The following PTPN21 variants were observed in gnomAD, a reference collection of about 807,000 sequenced individuals.
PTPN21 encodes the protein protein tyrosine phosphatase non-receptor type 21.
Under a neutral mutation model 131.8 loss-of-function variants are expected in PTPN21, and 77 were observed. The ratio of observed to expected loss-of-function variants is 0.58; its 90% CI spans 0.49 to 0.71. PTPN21 has a LOEUF of 0.71. Among genes scored for constraint, PTPN21 ranks in the 30% least tolerant of loss-of-function variants. The pLI is 0.00. For missense variants in PTPN21, 1,552 were observed against 1,527.1 expected (o/e 1.02, Z -0.27); for synonymous variants, 715 against 621.3 (o/e 1.15, Z -2.24).
In PTPN21 at chr14:88,466,707, A is replaced by G. The variant is rs1005466564; in HGVS notation, c.*1430T>C. The G allele has an allele frequency of 9.9e-5, 15 of 152,140 alleles. No homozygotes were observed. The highest frequency in any genetic ancestry group is 8.5e-4 in the Admixed American group (13 of 15,272). The allele number at this position is 152,140 out of a possible 1,614,324, so 9.4% of individuals were successfully genotyped here. On this transcript the variant is annotated 3_prime_UTR_variant, in exon 19 of 19. Coordinates refer to ENST00000556564, the MANE Select transcript of PTPN21 (RefSeq NM_007039.4). ...CCTGTAACTCAGCCTGGCTCTGTCTATTGGGATGTGCCTAAATGGGATGGG... is the reference window on the plus strand; with the variant it reads ...CCTGTAACTCAGCCTGGCTCTGTCTGTTGGGATGTGCCTAAATGGGATGGG...
chr14:88,479,671 A>G lies in PTPN21; in HGVS notation c.1760T>C (p.Ile587Thr). 1 of 1,256,534 alleles carries G rather than the reference A, an allele frequency of 8.0e-7. No individual in the cohort carries two copies. The highest frequency in any genetic ancestry group is 1.0e-6 in the Non-Finnish European group (1 of 981,414). The allele number at this position is 1,256,534 out of a possible 1,614,324, so 77.8% of individuals were successfully genotyped here. A position where few individuals can be genotyped will look rare whatever the true frequency, so the allele number is the denominator to read the frequency against. ...STPDLSRHLY[I>T]SSSNPDLITR... ...GATGAGGTCGGGGTTGCTGCTGCTG[A>G]TGTAAAGGTGGCGGGACAGGTCTGG... Residue 587 changes from isoleucine (I) to threonine (T), a missense_variant, in exon 13 of 19, where the codon ATC becomes ACC. Physicochemically the swap from Ile to Thr is moderately conservative, Grantham distance 89. Transcript: ENST00000556564.
rs765628681 is a variant in PTPN21, at chr14:88,479,178, G to A, written c.2253C>T (p.Leu751=). The A allele has an allele frequency of 5.1e-5, 79 of 1,556,102 alleles. No individual in the cohort carries two copies. The Middle Eastern group carries it at 5.2e-4, about 10-fold the overall frequency. ...GCTCCAGGATGTGCAGGGGCCCGGCGAGCAGGACGCGAGGGCAGCCAGGTG... is the reference window on the plus strand; with the variant it reads ...GCTCCAGGATGTGCAGGGGCCCGGCAAGCAGGACGCGAGGGCAGCCAGGTG... ...QDPPGCPRVL[L]AGPLHILEPK... The change falls in exon 13 of 19, where the codon CTC becomes CTT. Residue 751 remains leucine, a synonymous_variant. Transcript: ENST00000556564.
At chr14:88,468,338 G>A (rs1452525015) in intron 18 of PTPN21, 73 bp from the exon 19 acceptor site, 9 of 1,417,946 alleles carry the variant, frequency 6.3e-6, no homozygotes, top group Non-Finnish European at 8.5e-6. Flanking sequence ...GGACACGAGT[G>A]TCCTGGCAGA....
In PTPN21 at chr14:88,479,221, G is replaced by C; in HGVS notation, c.2210C>G (p.Pro737Arg). 1 of 1,601,526 alleles carries C rather than the reference G, an allele frequency of 6.2e-7. No homozygotes were observed. The highest frequency in any genetic ancestry group is 8.5e-7 in the Non-Finnish European group (1 of 1,174,042). ...GCCAGGTGGGTCCTGGGCCAGGCCG[G>C]GCCGAGGCTCGCGCGCACGTGCAGG... Reference protein sequence around the residue: ...APPARAREPRPGLAQDPPGCP... With the variant: ...APPARAREPRRGLAQDPPGCP... The change falls in exon 13 of 19, where the codon CCC becomes CGC. Residue 737 changes from proline to arginine, a missense_variant. This residue lies in a region of PTPN21 where 1,016 missense variants were observed against 883.5 expected (regional missense o/e 1.15). Transcript: ENST00000556564.
At chr14:88,508,045 GGTCAAT>G in intron 3 of PTPN21, 25 bp from the exon 4 acceptor site, 1 of 1,308,540 alleles carries the variant, frequency 7.6e-7, no homozygotes, top group African/African-American at 1.5e-5. Context: ...AGTTGTATAA[GGTCAAT>G]GTCAATATTA....
At chr14:88,534,436 A>G (rs1344398714) in intron 2 of PTPN21, among the ~76,000 whole-genome samples, 1 of 152,148 alleles carries the variant, frequency 6.6e-6, no homozygotes, top group Non-Finnish European at 1.5e-5. Flanking sequence ...TTTAAAATAG[A>G]AAAAAGCTTA....
rs768491760 is a variant in PTPN21 at position 88,479,230 on chromosome 14, TCG to T, written c.2199_2200del (p.Glu734AlafsTer119). On this transcript the variant is annotated frameshift_variant, in exon 13 of 19. Coordinates refer to ENST00000556564, the MANE Select transcript of PTPN21 (RefSeq NM_007039.4). LOFTEE classifies it high-confidence loss of function. ...GTCCTGGGCCAGGCCGGGCCGAGGC[TCG>T]CGCGCACGTGCAGGAGGCGCCCGGG... 1 of 1,605,334 alleles carries T rather than the reference TCG, an allele frequency of 6.2e-7. No individual in the cohort carries two copies. Among genetic ancestry groups the T allele is most frequent in the Admixed American group, 1.7e-5 (1 of 58,948 alleles).
chr14:88,480,325 C>G lies in PTPN21; in HGVS notation c.1106G>C (p.Gly369Ala). The G allele has an allele frequency of 6.2e-7, 1 of 1,613,766 alleles. No individual in the cohort carries two copies. Among genetic ancestry groups the G allele is most frequent in the Non-Finnish European group, 8.5e-7 (1 of 1,179,740 alleles). ...GCTTGTCTGAGAGTGACAGTAGTAT[C>G]CGTTCTGGTTGGGCACAAAGAGGTT... ...QDNLFVPNQNGYYCHSQTSLD... is the reference protein window; with the variant it reads ...QDNLFVPNQNAYYCHSQTSLD... Residue 369 changes from glycine (G) to alanine (A), a missense_variant, in exon 13 of 19, where the codon GGA becomes GCA. Transcript: ENST00000556564.
At chr14:88,517,929 A>G (rs931686463) in intron 2 of PTPN21, among the ~76,000 whole-genome samples, 21 of 147,638 alleles carry the variant, frequency 1.4e-4, no homozygotes, top group Non-Finnish European at 2.7e-4. Flanking sequence ...TATATGATAA[A>G]TTTAGTGTTT....
At chr14:88,492,920 A>G in intron 10 of PTPN21, 1 of 356,146 alleles carries the variant, frequency 2.8e-6, no homozygotes, top group Non-Finnish European at 5.5e-6. Context: ...CCCTGCCCTC[A>G]TGGAGCTTCA....
At chr14:88,511,971 A>G (rs1427514471) in intron 3 of PTPN21, among the ~76,000 whole-genome samples, 1 of 152,174 alleles carries the variant, frequency 6.6e-6, no homozygotes, top group Non-Finnish European at 1.5e-5. Context: ...TTTTTTCTTC[A>G]TCTGTTTTTC....
intron 2 of PTPN21, among the ~76,000 whole-genome samples, chr14:88,542,183 TA>T (rs1715131053): frequency 6.6e-6 from 1 of 152,204 alleles, no homozygotes; most frequent in South Asian, 2.1e-4. Context: ...GAAAAGATAA[TA>T]CAACGCCTAA....
chr14:88,472,912 C>G (rs1006431706), intron 14 of PTPN21, among the ~76,000 whole-genome samples: 5 of 152,210 alleles, frequency 3.3e-5, no homozygotes, highest in Non-Finnish European at 7.4e-5. Flanking sequence ...GCCACAACAA[C>G]AAGAGTTAAA....
chr14:88,470,137 GT>G (rs1356005421), intron 15 of PTPN21, 87 bp from the exon 16 acceptor site: 4 of 1,398,062 alleles, frequency 2.9e-6, no homozygotes, highest in Non-Finnish European at 3.9e-6. Flanking sequence ...TACTAAAAAA[GT>G]TTTTTTAAAA....
chr14:88,469,038 T>C lies in PTPN21; in HGVS notation c.3274A>G (p.Asn1092Asp). 1.9e-6 allele frequency: 3 copies of C among 1,614,112 alleles called. No individual in the cohort carries two copies. Among genetic ancestry groups the C allele is most frequent in the Non-Finnish European group, 2.5e-6 (3 of 1,179,974 alleles). The change falls in exon 18 of 19, where the codon AAT becomes GAT. Residue 1092 changes from asparagine (N) to aspartate (D), a missense_variant. By Grantham distance (23) the Asn-to-Asp change is conservative. This residue lies in a region of PTPN21 where 316 missense variants were observed against 378.5 expected (regional missense o/e 0.83). Transcript: ENST00000556564. This position sits in a 1 kb window ranked among gnomAD's most constrained non-coding sequence, Gnocchi z 4.3. Reference protein sequence around the residue: ...EEIQSVRRHTNSTSDPQSPNP... With the variant: ...EEIQSVRRHTDSTSDPQSPNP... ...GGGCTTTGGGGATCACTTGTGCTAT[T>C]TGTATGGCGTCGAACAGACTGGATC... is the stretch of plus-strand genomic sequence containing the variant.
chr14:88,540,125 AT>A (rs2078685815), intron 2 of PTPN21, among the ~76,000 whole-genome samples: 1 of 152,188 alleles, frequency 6.6e-6, no homozygotes, highest in Non-Finnish European at 1.5e-5. Context: ...CTCTCCAGTG[AT>A]TTTTCTCCAA....
rs78357411 is a variant in PTPN21 at position 88,501,074 on chromosome 14, C to T, written c.676-203G>A. The T allele has an allele frequency of 2.1e-4, 137 of 647,364 alleles. 1 individual carries two copies. The East Asian group carries it at 3.6e-3, about 17-fold the overall frequency. The allele number at this position is 647,364 out of a possible 1,614,324, so 40.1% of individuals were successfully genotyped here. On this transcript the variant is annotated intron_variant, in intron 7 of 18. Coordinates refer to ENST00000556564, the MANE Select transcript of PTPN21 (RefSeq NM_007039.4). ...AAAAGTTTGGCCCTCCTTAGGAACTCTATTTCAAGACCATTTCAAAGTATG... is the reference window on the plus strand; with the variant it reads ...AAAAGTTTGGCCCTCCTTAGGAACTTTATTTCAAGACCATTTCAAAGTATG...
At chr14:88,517,858 T>C (rs1401822728) in intron 2 of PTPN21, among the ~76,000 whole-genome samples, 1 of 147,048 alleles carries the variant, frequency 6.8e-6, no homozygotes, top group East Asian at 2.0e-4. Flanking sequence ...ATGGTATATA[T>C]ATGTGTATAT....
rs758044268 is a variant in PTPN21, at chr14:88,517,070, C to T, written c.350+22G>A. ...ATCTCACTAGACTATTTCCTAAAAA[C>T]AAACGGCATGTAATTTCTCACCTGG... On this transcript the variant is annotated intron_variant, in intron 3 of 18. Transcript: ENST00000556564. The T allele has an allele frequency of 3.1e-6, 5 of 1,610,656 alleles. No homozygotes were observed. In the African/African-American group the frequency reaches 5.3e-5, roughly 17 times the overall value.
Sources: allele counts gnomAD v4.1 joint callset (sites outside exome capture counted in the v4.1 genomes callset), GRCh38; gene constraint gnomAD v4.1.1; regional missense constraint gnomAD v4.1.1; non-coding constraint Gnocchi (gnomAD v3.1); transcripts MANE v1.5; gene names NCBI Gene and HGNC (gene_info 2026-07-23, HGNC 2026-07-21).